Variants in KLHL3 observed in about 807,000 individuals in gnomAD.
KLHL3 encodes kelch-like protein 3.
Under a neutral mutation model 70.5 loss-of-function variants are expected in KLHL3, and 19 were observed. The ratio of observed to expected loss-of-function variants is 0.27; its 90% CI spans 0.19 to 0.40. The LOEUF (loss-of-function observed/expected upper bound fraction) is 0.40. Ranked by LOEUF, KLHL3 falls within the 10% of genes least tolerant of loss-of-function variation. KLHL3 has a pLI of 1.00. For missense variants in KLHL3, 512 were observed against 771.1 expected (o/e 0.66, Z 3.98); for synonymous variants, 258 against 290.3 (o/e 0.89, Z 1.13).
At chr5:137,704,210 C>A (rs1752631780) in intron 3 of KLHL3, among the ~76,000 whole-genome samples, 1 of 151,920 alleles carries the variant, frequency 6.6e-6, no homozygotes, top group Non-Finnish European at 1.5e-5. Context: ...AAGGTGAAAC[C>A]CCGTCTCTAC....
Position 137,621,880 on chromosome 5 carries a change from T to A in KLHL3, c.*218A>T. 1.7e-6 allele frequency: 1 copy of A among 595,078 alleles called. No homozygotes were observed. Among genetic ancestry groups the A allele is most frequent in the Non-Finnish European group, 3.0e-6 (1 of 329,900 alleles). The allele number at this position is 595,078 out of a possible 1,614,324, so 36.9% of individuals were successfully genotyped here. ...CTGCCTGGGGATGTCAAGACCCCCC[T>A]TGCTCAGGGCATAGGCCAGAGCACC... is the stretch of plus-strand genomic sequence containing the variant. On this transcript the variant is annotated 3_prime_UTR_variant, in exon 15 of 15. Coordinates refer to ENST00000309755, the MANE Select transcript of KLHL3 (RefSeq NM_017415.3).
intron 10 of KLHL3, among the ~76,000 whole-genome samples, chr5:137,637,998 GC>G (rs1282644044): frequency 1.3e-5 from 2 of 152,214 alleles, no homozygotes; most frequent in African/African-American, 4.8e-5. Context: ...AAAGAATGTG[GC>G]CTCAATGTCC....
chr5:137,707,047 T>C (rs1231306878), intron 3 of KLHL3, among the ~76,000 whole-genome samples: 5 of 151,962 alleles, frequency 3.3e-5, no homozygotes, highest in Non-Finnish European at 7.4e-5. Context: ...TAAGCAGTAA[T>C]GAAGGATGAA....
chr5:137,663,917 G>C (rs1316196998), intron 6 of KLHL3, among the ~76,000 whole-genome samples: 1 of 152,152 alleles, frequency 6.6e-6, no homozygotes. Flanking sequence ...GAGGGTCAGG[G>C]AATGGCTGAA....
In KLHL3 at chr5:137,625,791, A is replaced by T; in HGVS notation, c.1697T>A (p.Leu566Gln). The T allele has an allele frequency of 6.2e-7, 1 of 1,614,188 alleles. No individual in the cohort carries two copies. Among genetic ancestry groups the T allele is most frequent in the East Asian group, 2.2e-5 (1 of 44,882 alleles). The change falls in exon 14 of 15, where the codon CTG (leucine) becomes CAG (glutamine). Residue 566 changes from leucine (L) to glutamine (Q), a missense_variant. Leu to Gln is a moderately radical substitution (Grantham distance 113). Transcript: ENST00000309755. Reference protein sequence around the residue: ...YYNPVTDKWTLLPTNMSTGRS... With the variant: ...YYNPVTDKWTQLPTNMSTGRS... ...CCCCGTGCTCATGTTCGTTGGAAGCAGCGTCCATTTGTCAGTGACAGGATT... is the reference window on the plus strand; with the variant it reads ...CCCCGTGCTCATGTTCGTTGGAAGCTGCGTCCATTTGTCAGTGACAGGATT...
intron 8 of KLHL3, among the ~76,000 whole-genome samples, chr5:137,641,076 G>A (rs1463636998): frequency 6.6e-6 from 1 of 152,084 alleles, no homozygotes; most frequent in East Asian, 1.9e-4. Context: ...TTGGTCACAT[G>A]TTATTAATAA....
chr5:137,665,097 C>A (rs1751581449), intron 6 of KLHL3, among the ~76,000 whole-genome samples: 1 of 152,080 alleles, frequency 6.6e-6, no homozygotes, highest in Admixed American at 6.6e-5. Flanking sequence ...AGGAAACGAT[C>A]AGACAACTCT....
chr5:137,729,266 T>C (rs1009360575), intron 1 of KLHL3, among the ~76,000 whole-genome samples: 1 of 152,180 alleles, frequency 6.6e-6, no homozygotes, highest in Non-Finnish European at 1.5e-5. Flanking sequence ...AGGGCAAAGC[T>C]GTGCTGAATG....
At position 137,725,580 on chromosome 5, in the gene KLHL3, T is replaced by C. The variant is rs144988087; in HGVS notation, c.15-4996A>G. Among the ~76,000 whole-genome samples the C allele has an allele frequency of 5.3e-3, 805 of 152,304 alleles. 4 individuals carry two copies. Among genetic ancestry groups the C allele is most frequent in the African/African-American group, 0.017 (711 of 41,560 alleles). Reference sequence around the variant, plus strand: ...TAAGATTCAAATGGGTCAACAATTGTAGATGTAGTGAGAAAGTATGGGCCA... The same window carrying C: ...TAAGATTCAAATGGGTCAACAATTGCAGATGTAGTGAGAAAGTATGGGCCA... On this transcript the variant is annotated intron_variant, in intron 1 of 14. Coordinates refer to ENST00000309755, the MANE Select transcript of KLHL3 (RefSeq NM_017415.3).
intron 4 of KLHL3, among the ~76,000 whole-genome samples, chr5:137,694,076 G>A (rs1238306728): frequency 6.6e-6 from 1 of 151,974 alleles, no homozygotes; most frequent in Non-Finnish European, 1.5e-5. Flanking sequence ...AAATGGGACA[G>A]TCGGTCACCC....
chr5:137,674,339 A>T (rs1057408237), intron 6 of KLHL3, among the ~76,000 whole-genome samples: 1 of 152,192 alleles, frequency 6.6e-6, no homozygotes, highest in African/African-American at 2.4e-5. Context: ...CGGTACATAC[A>T]TTCTTGTGGG....
chr5:137,648,221 G>A (rs1231720741), intron 8 of KLHL3, among the ~76,000 whole-genome samples: 1 of 152,218 alleles, frequency 6.6e-6, no homozygotes, highest in Admixed American at 6.5e-5. Flanking sequence ...GTGGACCAAG[G>A]TGGAAGGGGG....
intron 1 of KLHL3, among the ~76,000 whole-genome samples, chr5:137,733,389 T>TCAGCTAATA (rs1348760220): frequency 6.6e-6 from 1 of 152,190 alleles, no homozygotes; most frequent in Non-Finnish European, 1.5e-5. Context: ...TATTAGCTAA[T>TCAGCTAATA]CAGCTAATAA....
At chr5:137,680,752 C>T (rs1169295519) in intron 5 of KLHL3, among the ~76,000 whole-genome samples, 1 of 152,036 alleles carries the variant, frequency 6.6e-6, no homozygotes, top group Non-Finnish European at 1.5e-5. Context: ...CCATGTTGGT[C>T]AGGCTGGTCT....
At chr5:137,658,094 A>C in intron 8 of KLHL3, 37 bp downstream of exon 8, 1 of 1,580,278 alleles carries the variant, frequency 6.3e-7, no homozygotes, top group Non-Finnish European at 8.6e-7. Flanking sequence ...CCCAGGGCAC[A>C]GTCCTGACTC....
chr5:137,695,126 C>T (rs1474504947), intron 4 of KLHL3, among the ~76,000 whole-genome samples: 1 of 152,218 alleles, frequency 6.6e-6, no homozygotes, highest in African/African-American at 2.4e-5. Context: ...AATTCTCAAG[C>T]TCATGACAAC....
At chr5:137,656,134 C>T (rs966829963) in intron 8 of KLHL3, among the ~76,000 whole-genome samples, 5 of 151,746 alleles carry the variant, frequency 3.3e-5, no homozygotes, top group South Asian at 4.2e-4. Context: ...ATTAATCTCA[C>T]TCCCAATGAA....
In KLHL3 at chr5:137,625,955, T is replaced by C. The variant is rs963315404; in HGVS notation, c.1592-59A>G. On this transcript the variant is annotated intron_variant, in intron 13 of 14. Transcript: ENST00000309755. ...CAGCAGGTGCACTAAGAGATCAGAA[T>C]TGATCAAGAGACAAATCTGGATAGC... The C allele has an allele frequency of 3.7e-6, 6 of 1,605,896 alleles. No homozygotes were observed. In the African/African-American group the frequency reaches 8.0e-5, roughly 22 times the overall value.
chr5:137,702,504 T>A (rs1219559370), intron 3 of KLHL3, among the ~76,000 whole-genome samples: 1 of 152,172 alleles, frequency 6.6e-6, no homozygotes, highest in East Asian at 1.9e-4. Flanking sequence ...GAGACAAGGC[T>A]GTAGATGAAA....
Sources: gnomAD v4.1 joint callset for allele counts (sites outside exome capture counted in the v4.1 genomes callset) on GRCh38, gnomAD v4.1.1 for gene constraint, MANE v1.5 for transcripts, NCBI Gene and HGNC (gene_info 2026-07-23, HGNC 2026-07-21) for gene names.